The following DMD variants were observed in gnomAD, a reference collection of about 807,000 sequenced individuals.
The protein encoded by DMD is mutant dystrophin.
Under a neutral mutation model 330.1 loss-of-function variants are expected in DMD, and 63 were observed. The ratio of observed to expected loss-of-function variants is 0.19; its 90% CI spans 0.16 to 0.24. The LOEUF is 0.24. Among genes scored for constraint, DMD ranks in the 10% least tolerant of loss-of-function variants. The pLI is 1.00. For synonymous variants in DMD, 1,223 were observed against 959.8 expected (o/e 1.27, Z -5.07); for missense variants, 3,344 against 2,684.1 (o/e 1.25, Z -5.43).
At chrX:32,597,621 G>A (rs2055710662) in intron 12 of DMD, among the ~76,000 whole-genome samples, 1 of 111,698 alleles carries the variant, frequency 9.0e-6, no homozygotes, top group South Asian at 3.7e-4. Flanking sequence ...ATGTGGCTCT[G>A]AAAAAATCAT....
At chrX:31,469,940 CT>C (rs2067169350) in intron 59 of DMD, among the ~76,000 whole-genome samples, 2 of 110,720 alleles carry the variant, frequency 1.8e-5, no homozygotes, top group Non-Finnish European at 3.8e-5. Context: ...CTCTGATATC[CT>C]TTCTTTTGCT....
intron 1 of DMD, among the ~76,000 whole-genome samples, chrX:33,133,963 C>G (rs2095512647): frequency 8.9e-6 from 1 of 111,971 alleles, no homozygotes; most frequent in Admixed American, 9.5e-5. Flanking sequence ...TTTCAAAAGT[C>G]AAACAGAATG....
At chrX:32,122,652 C>A (rs367597883) in intron 44 of DMD, among the ~76,000 whole-genome samples, 65 of 111,388 alleles carry the variant, frequency 5.8e-4, no homozygotes, top group African/African-American at 2.0e-3. Flanking sequence ...TTGAGCTCCC[C>A]GTCACAGCAC....
At chrX:32,714,238 A>G (rs2065460464) in intron 7 of DMD, among the ~76,000 whole-genome samples, 1 of 111,430 alleles carries the variant, frequency 9.0e-6, no homozygotes, top group Admixed American at 9.6e-5. Flanking sequence ...TTGTGTAGTG[A>G]TCAAGTCTCG....
chrX:31,468,539 G>T lies in DMD; in HGVS notation c.8937+9567C>A, dbSNP rs781560846. 9.0e-5 allele frequency among the ~76,000 whole-genome samples: 10 copies of T among 110,887 alleles called. No homozygotes were observed. In the South Asian group the frequency reaches 3.4e-3, roughly 38 times the overall value. On this transcript the variant is annotated intron_variant, in intron 59 of 78. Transcript: ENST00000357033. The stretch of plus-strand genomic sequence containing the variant: ...GTACTGTGGTCTGAGAGACTCTTAT[G>T]ATTTCTGTTTTTTTGCATTTGCTGA...
rs751836408 is a variant in DMD, at chrX:32,654,686, C to A, written c.961-9534G>T. On this transcript the variant is annotated intron_variant, in intron 9 of 78. Coordinates refer to ENST00000357033, the MANE Select transcript of DMD (RefSeq NM_004006.3). ...CTCATAAAATGAGTTAGGGAGGATT[C>A]CCTCTTTTTCTATTCATTGGAATAG... 4.2e-4 allele frequency among the ~76,000 whole-genome samples: 47 copies of A among 111,701 alleles called. 1 individual carries two copies. The highest frequency in any genetic ancestry group is 1.5e-3 in the African/African-American group (45 of 30,691).
intron 1 of DMD, among the ~76,000 whole-genome samples, chrX:33,131,692 G>A (rs1322733707): frequency 1.8e-5 from 2 of 111,814 alleles, no homozygotes; most frequent in East Asian, 2.8e-4. Context: ...TCATCGGTAC[G>A]ATAAGATATC....
intron 64 of DMD, among the ~76,000 whole-genome samples, chrX:31,214,937 CTTTTTTT>C (rs761569710): frequency 5.3e-5 from 2 of 38,089 alleles, no homozygotes; most frequent in Middle Eastern, 0.038. Context: ...TTTCTTTTTT[CTTTTTTT>C]TTTTTTTTTT....
intron 47 of DMD, among the ~76,000 whole-genome samples, chrX:31,883,870 G>A (rs1410113822): frequency 9.9e-6 from 1 of 101,368 alleles, no homozygotes; most frequent in Non-Finnish European, 2.0e-5. Flanking sequence ...ACATACAAAT[G>A]GCTAACAAGC....
rs184485998 is a variant in DMD at position 32,344,883 on chromosome X, C to T, written c.5586+1060G>A. 5.8e-4 allele frequency among the ~76,000 whole-genome samples: 65 copies of T among 111,323 alleles called. No homozygotes were observed. In the East Asian group the frequency reaches 0.017, roughly 28 times the overall value. On this transcript the variant is annotated intron_variant, in intron 39 of 78. Coordinates refer to ENST00000357033, the MANE Select transcript of DMD (RefSeq NM_004006.3). ...GATTTTCTAGACACATTATGGTGTG[C>T]TTTTGCACTCCCTCGAGGAAGAGGC...
chrX:32,132,993 CTTTTTTTTTTTT>C (rs377615262), intron 44 of DMD, among the ~76,000 whole-genome samples: 6 of 75,977 alleles, frequency 7.9e-5, no homozygotes, highest in East Asian at 3.8e-4. Context: ...CTTTTCTTTT[CTTTTTTTTTTTT>C]TTTTTTTTTT....
chrX:31,325,219 C>T (rs760037625), intron 61 of DMD, among the ~76,000 whole-genome samples: 2 of 110,600 alleles, frequency 1.8e-5, no homozygotes, highest in African/African-American at 6.6e-5. Context: ...CATTCTCTTC[C>T]CAACTCTTCT....
intron 7 of DMD, among the ~76,000 whole-genome samples, chrX:32,703,335 T>C (rs1277421073): frequency 9.0e-6 from 1 of 111,657 alleles, no homozygotes; most frequent in Admixed American, 9.7e-5. Flanking sequence ...TGAACCTTAA[T>C]ACCATTACTA....
intron 44 of DMD, among the ~76,000 whole-genome samples, chrX:31,970,675 A>G (rs2095391246): frequency 9.0e-6 from 1 of 110,986 alleles, no homozygotes; most frequent in South Asian, 3.8e-4. Context: ...AGAGCATAAA[A>G]CTGGGCTCTA....
At chrX:32,041,422 G>A (rs1687017458) in intron 44 of DMD, among the ~76,000 whole-genome samples, 1 of 112,202 alleles carries the variant, frequency 8.9e-6, no homozygotes, top group Non-Finnish European at 1.9e-5. Flanking sequence ...GAGCCCATAT[G>A]GCATCTGTGG....
intron 44 of DMD, among the ~76,000 whole-genome samples, chrX:32,075,656 GA>G (rs1157236617): frequency 1.8e-5 from 2 of 109,482 alleles, no homozygotes; most frequent in Non-Finnish European, 3.8e-5. Flanking sequence ...AGTTTTCATG[GA>G]AAAAAATGAA....
chrX:32,577,094 A>G (rs2053143531), intron 13 of DMD, among the ~76,000 whole-genome samples: 1 of 111,816 alleles, frequency 8.9e-6, no homozygotes, highest in Non-Finnish European at 1.9e-5. Flanking sequence ...TAGACCATTA[A>G]GTTACAATGA....
At chrX:31,426,864 G>T (rs2148976044) in intron 60 of DMD, among the ~76,000 whole-genome samples, 1 of 111,626 alleles carries the variant, frequency 9.0e-6, no homozygotes, top group South Asian at 3.7e-4. Context: ...TCTGAAAAAA[G>T]GTTCTACTCA....
chrX:32,841,949 A>G (rs1241692798), intron 4 of DMD, among the ~76,000 whole-genome samples: 2 of 112,479 alleles, frequency 1.8e-5, no homozygotes, highest in African/African-American at 6.5e-5. Flanking sequence ...GCTCATATCC[A>G]GAATATAGCA....
Sources: allele counts gnomAD v4.1 joint callset (sites outside exome capture counted in the v4.1 genomes callset), GRCh38; gene constraint gnomAD v4.1.1; transcripts MANE v1.5; gene names NCBI Gene and HGNC (gene_info 2026-07-23, HGNC 2026-07-21).